Variants in GALNT13 observed in about 807,000 individuals in gnomAD.
GALNT13 encodes the protein UDP-GalNAc:polypeptide N-acetylgalactosaminyltransferase 13.
A neutral mutation model predicts 64.2 loss-of-function variants in GALNT13; 28 were observed. The observed-to-expected ratio is 0.44, with a 90% CI of 0.32 to 0.60. The LOEUF (loss-of-function observed/expected upper bound fraction) is 0.60. Ranked by LOEUF, GALNT13 falls within the 20% of genes least tolerant of loss-of-function variation. GALNT13 has a pLI of 0.05. For missense variants in GALNT13, 577 were observed against 669.8 expected, an observed-to-expected ratio of 0.86 and a Z score of 1.53; for synonymous variants, 214 against 224.6, an observed-to-expected ratio of 0.95 and a Z score of 0.42.
the GALNT13 span, among the ~76,000 whole-genome samples, chr2:153,316,743 G>A: frequency 6.6e-6 from 1 of 151,240 alleles, no homozygotes; most frequent in Admixed American, 6.6e-5. Flanking sequence ...ACCTGTAGGA[G>A]AATGAATAAA....
the GALNT13 span, among the ~76,000 whole-genome samples, chr2:153,397,758 C>T: frequency 2.0e-5 from 3 of 151,978 alleles, no homozygotes; most frequent in African/African-American, 7.2e-5. Context: ...AGTGTCTATT[C>T]GGTCTTCCAT....
At chr2:154,047,078 G>A (rs1332592155) in intron 3 of GALNT13, among the ~76,000 whole-genome samples, 1 of 151,982 alleles carries the variant, frequency 6.6e-6, no homozygotes, top group Non-Finnish European at 1.5e-5. Context: ...GATTTGATGA[G>A]CCCTTCTCTT....
chr2:154,219,145 AATG>A (rs1157099703), intron 4 of GALNT13, among the ~76,000 whole-genome samples: 1 of 152,094 alleles, frequency 6.6e-6, no homozygotes, highest in Non-Finnish European at 1.5e-5. Context: ...CTATTTTAAT[AATG>A]ATGATAAATA....
At chr2:153,989,280 C>T (rs949591920) in intron 3 of GALNT13, among the ~76,000 whole-genome samples, 3 of 151,854 alleles carry the variant, frequency 2.0e-5, no homozygotes, top group Non-Finnish European at 4.4e-5. Context: ...GTTTCAAACT[C>T]TTAAGTATAA....
the GALNT13 span, among the ~76,000 whole-genome samples, chr2:153,695,548 G>C: frequency 6.6e-6 from 1 of 152,122 alleles, no homozygotes; most frequent in African/African-American, 2.4e-5. Flanking sequence ...ATGGATGAAA[G>C]GTTAAGGACA....
chr2:153,209,216 A>G, the GALNT13 span, among the ~76,000 whole-genome samples: 1 of 151,782 alleles, frequency 6.6e-6, no homozygotes, highest in Non-Finnish European at 1.5e-5. Flanking sequence ...TCCTGACCTC[A>G]AGATCCACCC....
At chr2:153,604,682 T>G in the GALNT13 span, among the ~76,000 whole-genome samples, 7 of 152,192 alleles carry the variant, frequency 4.6e-5, no homozygotes, top group Admixed American at 3.9e-4. Flanking sequence ...TCTAACTAGA[T>G]ATTCTTGTCA....
chr2:153,520,950 C>T, the GALNT13 span, among the ~76,000 whole-genome samples: 1 of 152,082 alleles, frequency 6.6e-6, no homozygotes, highest in Admixed American at 6.5e-5. Context: ...TTAAATTGCA[C>T]ATTTTATTAG....
the GALNT13 span, among the ~76,000 whole-genome samples, chr2:153,078,500 A>G: frequency 2.0e-5 from 3 of 151,688 alleles, no homozygotes; most frequent in African/African-American, 4.8e-5. Context: ...TTAGTAGAGA[A>G]GGAGTTTCAC....
chr2:153,746,196 A>C, the GALNT13 span, among the ~76,000 whole-genome samples: 2 of 152,166 alleles, frequency 1.3e-5, no homozygotes, highest in East Asian at 1.9e-4. Context: ...AATTTCCAAA[A>C]CCTGAACACA....
At chr2:153,175,904 G>T in the GALNT13 span, among the ~76,000 whole-genome samples, 7 of 152,186 alleles carry the variant, frequency 4.6e-5, no homozygotes, top group South Asian at 2.1e-4. Flanking sequence ...AACTTCACTG[G>T]GGGGAGTAGA....
the GALNT13 span, among the ~76,000 whole-genome samples, chr2:153,769,579 A>G: frequency 6.6e-6 from 1 of 152,120 alleles, no homozygotes; most frequent in African/African-American, 2.4e-5. Flanking sequence ...CTTGGATTGT[A>G]TCTTGTAGGA....
chr2:153,800,617 T>C, the GALNT13 span, among the ~76,000 whole-genome samples: 1 of 152,208 alleles, frequency 6.6e-6, no homozygotes, highest in Non-Finnish European at 1.5e-5. Context: ...TTATGTAATA[T>C]TATACGTCAT....
the GALNT13 span, among the ~76,000 whole-genome samples, chr2:153,644,074 A>G: frequency 6.6e-6 from 1 of 152,006 alleles, no homozygotes; most frequent in African/African-American, 2.4e-5. Context: ...TAAAATAAGA[A>G]AAGTAAAAAA....
the GALNT13 span, among the ~76,000 whole-genome samples, chr2:153,245,588 A>C: frequency 6.6e-6 from 1 of 152,184 alleles, no homozygotes; most frequent in Non-Finnish European, 1.5e-5. Context: ...AAGCAACAAC[A>C]ATATCAACAG....
chr2:153,323,059 T>G, the GALNT13 span, among the ~76,000 whole-genome samples: 5 of 152,160 alleles, frequency 3.3e-5, no homozygotes, highest in African/African-American at 1.2e-4. Flanking sequence ...TTCTAGATCC[T>G]TAAGGAGTCG....
At chr2:154,131,642 A>G (rs1215651417) in intron 3 of GALNT13, among the ~76,000 whole-genome samples, 2 of 152,200 alleles carry the variant, frequency 1.3e-5, no homozygotes, top group African/African-American at 4.8e-5. Context: ...TTTTTCGTTA[A>G]TACCTAGCTA....
At chr2:153,392,507 C>G in the GALNT13 span, among the ~76,000 whole-genome samples, 45 of 152,032 alleles carry the variant, frequency 3.0e-4, no homozygotes, top group African/African-American at 1.1e-3. Context: ...ATTTACTGAG[C>G]TTGTTGACAG....
At chr2:153,327,665 A>G in the GALNT13 span, among the ~76,000 whole-genome samples, 195 of 151,960 alleles carry the variant, frequency 1.3e-3, no homozygotes, top group African/African-American at 4.3e-3. Context: ...ATTCTTCTCT[A>G]AACTGGTTAT....
Sources: gnomAD v4.1 joint callset for allele counts (sites outside exome capture counted in the v4.1 genomes callset) on GRCh38, gnomAD v4.1.1 for gene constraint, MANE v1.5 for transcripts, NCBI Gene and HGNC (gene_info 2026-07-23, HGNC 2026-07-21) for gene names.